The following GGTA1 variants were observed in gnomAD, a reference collection of about 807,000 sequenced individuals.
The protein encoded by GGTA1 is inactive N-acetyllactosaminide alpha-1,3-galactosyltransferase.
In GGTA1, 5 loss-of-function variants were observed where a neutral mutation model predicts 2.6. That is an observed-to-expected ratio of 1.92 (90% CI 1.00 to 4.04). The LOEUF is 4.04. Ranked by LOEUF, GGTA1 falls within the 30% of genes most tolerant of loss-of-function variation. GGTA1 has a pLI of 0.00. For missense variants in GGTA1, 50 were observed against 16.7 expected (o/e 2.99, Z -3.47); for synonymous variants, 17 against 5.0 (o/e 3.38, Z -3.19).
chr9:121,470,478 C>T (rs963044586), intron 1 of GGTA1, among the ~76,000 whole-genome samples: 34 of 152,314 alleles, frequency 2.2e-4, no homozygotes, highest in African/African-American at 7.7e-4. Flanking sequence ...GGCAAACAGA[C>T]ATTCAAGTCT....
intron 1 of GGTA1, among the ~76,000 whole-genome samples, chr9:121,469,016 C>T (rs982148082): frequency 6.6e-6 from 1 of 152,168 alleles, no homozygotes; most frequent in African/African-American, 2.4e-5. Context: ...AGGCCCCATC[C>T]ACTTCCCAGC....
intron 1 of GGTA1, chr9:121,479,390 C>T (rs1564655835): frequency 3.2e-6 from 1 of 316,472 alleles, no homozygotes; most frequent in Non-Finnish European, 6.2e-6. Context: ...GAGCCCTCAG[C>T]AGCCAGGGGC....
chr9:121,453,686 G>T (rs1181410124), downstream of GGTA1, among the ~76,000 whole-genome samples: 3 of 152,330 alleles, frequency 2.0e-5, no homozygotes, highest in East Asian at 3.9e-4. Flanking sequence ...ATCCCTACTG[G>T]CTGCACTGCC....
Position 121,458,659 on chromosome 9 carries a change from A to C in GGTA1, c.298+1445T>G, listed in dbSNP as rs187654953. On this transcript the variant is annotated intron_variant, in intron 5 of 5. Coordinates refer to ENST00000481799, the MANE Select transcript of GGTA1 (RefSeq NM_001382585.1). ...AAATAAATAAATAAATAAATAAATA[A>C]ATAAAGGATAAGATAAGATAAATTA... Among the ~76,000 whole-genome samples, 560 of 149,086 alleles carry C rather than the reference A, an allele frequency of 3.8e-3. 2 individuals are homozygous for C. The highest frequency in any genetic ancestry group is 0.013 in the African/African-American group (524 of 40,282).
chr9:121,445,427 A>G (rs2118737001), exon 8 of GGTA1: 1 of 152,338 alleles, frequency 6.6e-6, no homozygotes, highest in South Asian at 2.1e-4. Context: ...CATTTTATCA[A>G]AGAAGCTCAT....
chr9:121,460,744 C>T (rs2064953890), intron 4 of GGTA1, among the ~76,000 whole-genome samples: 1 of 152,104 alleles, frequency 6.6e-6, no homozygotes, highest in South Asian at 2.1e-4. Flanking sequence ...ACTTGGGAGG[C>T]TGAGGCAGGA....
chr9:121,491,757 C>T (rs2118768973), intron 1 of GGTA1, among the ~76,000 whole-genome samples: 1 of 152,114 alleles, frequency 6.6e-6, no homozygotes, highest in Middle Eastern at 3.4e-3. Context: ...TTACAGGCTC[C>T]CACCACCAAG....
At chr9:121,446,728 T>C (rs557463306) in exon 8 of GGTA1, 2 of 152,346 alleles carry the variant, frequency 1.3e-5, no homozygotes, top group Non-Finnish European at 2.9e-5. Flanking sequence ...TATATCTGAT[T>C]GCCCTAGATT....
intron 2 of GGTA1, among the ~76,000 whole-genome samples, chr9:121,465,848 G>T (rs1313038646): frequency 2.0e-5 from 3 of 152,164 alleles, no homozygotes; most frequent in African/African-American, 7.2e-5. Context: ...TTGCTTCCCA[G>T]TGCTTTATAC....
chr9:121,474,552 C>T (rs547052210), intron 1 of GGTA1, among the ~76,000 whole-genome samples: 2 of 152,212 alleles, frequency 1.3e-5, no homozygotes, highest in East Asian at 3.9e-4. Context: ...TGAATTCTTC[C>T]CTACCACCCA....
At chr9:121,471,028 G>A (rs1235249282) in intron 1 of GGTA1, among the ~76,000 whole-genome samples, 1 of 152,252 alleles carries the variant, frequency 6.6e-6, no homozygotes, top group Admixed American at 6.5e-5. Context: ...GTGAGAGAAT[G>A]TAGAGAGAGG....
intron 1 of GGTA1, among the ~76,000 whole-genome samples, chr9:121,481,051 G>T (rs1317193004): frequency 1.3e-5 from 2 of 151,306 alleles, no homozygotes; most frequent in Admixed American, 6.6e-5. Context: ...AACTCGGGAG[G>T]CTGAGGCAGG....
chr9:121,450,032 T>G (rs554682435), intron 7 of GGTA1, among the ~76,000 whole-genome samples: 2 of 152,276 alleles, frequency 1.3e-5, no homozygotes, highest in African/African-American at 4.8e-5. Flanking sequence ...AATGTGCTGA[T>G]CACACTACTG....
intron 1 of GGTA1, among the ~76,000 whole-genome samples, chr9:121,498,798 C>T (rs1387322090): frequency 3.3e-5 from 5 of 152,220 alleles, no homozygotes; most frequent in Admixed American, 3.3e-4. Flanking sequence ...CCTCCCAGTC[C>T]CTCCCGGCCG....
rs1013759979 is a variant in GGTA1 at position 121,455,055 on chromosome 9, T to A, written c.*782A>T. 1 of 152,148 alleles carries A rather than the reference T, an allele frequency of 6.6e-6. No individual in the cohort carries two copies. Among genetic ancestry groups the A allele is most frequent in the Non-Finnish European group, 1.5e-5 (1 of 68,026 alleles). 9.4% of individuals were successfully genotyped at this position (152,148 alleles called of 1,614,324 possible). A position where few individuals can be genotyped will look rare whatever the true frequency, so the allele number is the denominator to read the frequency against. ...ACAAACAATATAAAATAAAAAGTAA[T>A]CATTTTTATTTGCATTGGCATTTTT... On this transcript the variant is annotated 3_prime_UTR_variant, in exon 6 of 6. Coordinates refer to ENST00000481799, the MANE Select transcript of GGTA1 (RefSeq NM_001382585.1).
chr9:121,453,298 A>C (rs899768129), downstream of GGTA1, among the ~76,000 whole-genome samples: 10 of 152,158 alleles, frequency 6.6e-5, no homozygotes, highest in Non-Finnish European at 1.5e-4. Context: ...CTAGGAACAC[A>C]AAAGGGGTGA....
At chr9:121,451,412 C>T (rs1030874920), downstream of GGTA1, among the ~76,000 whole-genome samples, 1 of 152,202 alleles carries the variant, frequency 6.6e-6, no homozygotes, top group East Asian at 1.9e-4. Flanking sequence ...GTCTCGATCT[C>T]CTGACCTCGT....
At chr9:121,489,597 A>G (rs545060308) in intron 1 of GGTA1, among the ~76,000 whole-genome samples, 3 of 152,340 alleles carry the variant, frequency 2.0e-5, no homozygotes, top group Non-Finnish European at 2.9e-5. Flanking sequence ...AGTGGTGGTA[A>G]CTTGAAATTG....
At chr9:121,488,295 CT>C (rs1828802833) in intron 1 of GGTA1, among the ~76,000 whole-genome samples, 1 of 152,186 alleles carries the variant, frequency 6.6e-6, no homozygotes, top group Non-Finnish European at 1.5e-5. Context: ...CTCTTGAAGT[CT>C]CCATGTTCTG....
Sources: gnomAD v4.1 joint callset for allele counts (sites outside exome capture counted in the v4.1 genomes callset) on GRCh38, gnomAD v4.1.1 for gene constraint, MANE v1.5 for transcripts, NCBI Gene and HGNC (gene_info 2026-07-23, HGNC 2026-07-21) for gene names.